Variants in ZNF385D observed in about 807,000 individuals in gnomAD.
ZNF385D encodes zinc finger protein 659.
A neutral mutation model predicts 35.8 loss-of-function variants in ZNF385D; 15 were observed. The ratio of observed to expected loss-of-function variants is 0.42; its 90% CI spans 0.28 to 0.64. The LOEUF (loss-of-function observed/expected upper bound fraction) is 0.64, where lower values mean the gene tolerates loss of function less well. ZNF385D is among the 30% of genes least tolerant of loss of function. The pLI is 0.23. For missense variants in ZNF385D, 474 were observed against 494.6 expected, an observed-to-expected ratio of 0.96 and a Z score of 0.39; for synonymous variants, 212 against 186.8, an observed-to-expected ratio of 1.13 and a Z score of -1.10.
chr3:21,978,348 G>A (rs1386834469), intron 3 of ZNF385D: 21 of 152,170 alleles, frequency 1.4e-4, no homozygotes. Context: ...CTAAACCTAG[G>A]ATTTAAATTA....
chr3:21,617,023 C>T (rs914207853), intron 2 of ZNF385D, among the ~76,000 whole-genome samples: 1 of 152,178 alleles, frequency 6.6e-6, no homozygotes, highest in African/African-American at 2.4e-5. Context: ...GATTTTGCCA[C>T]TATCACATAT....
intron 3 of ZNF385D, among the ~76,000 whole-genome samples, chr3:22,125,282 T>C (rs917642211): frequency 6.6e-6 from 1 of 152,142 alleles, no homozygotes. Context: ...ATGCATCTGT[T>C]TTTAAGTCAG....
intron 2 of ZNF385D, among the ~76,000 whole-genome samples, chr3:22,238,825 T>G (rs1420299070): frequency 2.0e-5 from 3 of 150,908 alleles, no homozygotes; most frequent in Non-Finnish European, 4.4e-5. Flanking sequence ...CTTGAACTCC[T>G]AGGTGCAAAT....
chr3:22,335,124 T>C (rs1695106524), intron 2 of ZNF385D, among the ~76,000 whole-genome samples: 2 of 152,160 alleles, frequency 1.3e-5, no homozygotes, highest in Admixed American at 6.5e-5. Flanking sequence ...ATGATCATAA[T>C]ATATGAGAAG....
intron 2 of ZNF385D, among the ~76,000 whole-genome samples, chr3:22,181,392 T>C (rs1403432219): frequency 1.3e-5 from 2 of 152,064 alleles, no homozygotes; most frequent in Non-Finnish European, 2.9e-5. Context: ...AACTAGCTTC[T>C]ACCAATAGAA....
chr3:21,888,467 C>T (rs530638196), intron 3 of ZNF385D, among the ~76,000 whole-genome samples: 9 of 152,118 alleles, frequency 5.9e-5, no homozygotes, highest in African/African-American at 1.4e-4. Flanking sequence ...AGGGATTTCT[C>T]GTGGTTCCTA....
chr3:21,804,801 T>A (rs1463768113), intron 3 of ZNF385D, among the ~76,000 whole-genome samples: 1 of 152,214 alleles, frequency 6.6e-6, no homozygotes, highest in Non-Finnish European at 1.5e-5. Flanking sequence ...TCACAAATAA[T>A]GAAGGTTAGT....
At chr3:21,601,765 T>C (rs1242646785) in intron 2 of ZNF385D, among the ~76,000 whole-genome samples, 1 of 152,156 alleles carries the variant, frequency 6.6e-6, no homozygotes, top group Non-Finnish European at 1.5e-5. Context: ...TTTGAGATGA[T>C]TTTAGCAGTC....
intron 3 of ZNF385D, among the ~76,000 whole-genome samples, chr3:21,805,896 C>T (rs1366669018): frequency 6.6e-6 from 1 of 152,194 alleles, no homozygotes; most frequent in East Asian, 1.9e-4. Flanking sequence ...GCCAAAATGA[C>T]TGCTTCATGT....
At chr3:21,649,799 A>G (rs760346400) in intron 2 of ZNF385D, among the ~76,000 whole-genome samples, 39 of 152,208 alleles carry the variant, frequency 2.6e-4, no homozygotes, top group African/African-American at 2.4e-5. Flanking sequence ...AAGAGAATCA[A>G]TCTGCCAAAT....
intron 2 of ZNF385D, among the ~76,000 whole-genome samples, chr3:22,321,910 A>G (rs1422979161): frequency 6.6e-6 from 1 of 152,006 alleles, no homozygotes; most frequent in East Asian, 1.9e-4. Flanking sequence ...TTAATTTTTA[A>G]GATAATTATT....
intron 4 of ZNF385D, among the ~76,000 whole-genome samples, chr3:21,506,321 A>C (rs1426888386): frequency 6.6e-6 from 1 of 152,184 alleles, no homozygotes; most frequent in Non-Finnish European, 1.5e-5. Context: ...GATGAAAGAA[A>C]AACCACAGCT....
intron 4 of ZNF385D, among the ~76,000 whole-genome samples, chr3:21,482,648 AT>A (rs996305930): frequency 6.6e-6 from 1 of 152,000 alleles, no homozygotes; most frequent in South Asian, 2.1e-4. Context: ...TATCTGTGAA[AT>A]TTTTTTTAGA....
At chr3:21,616,874 G>A (rs568197450) in intron 2 of ZNF385D, among the ~76,000 whole-genome samples, 1 of 152,134 alleles carries the variant, frequency 6.6e-6, no homozygotes, top group Non-Finnish European at 1.5e-5. Flanking sequence ...TGTGTGTATT[G>A]TCATCACTTA....
At chr3:22,044,439 G>C (rs925262154) in intron 3 of ZNF385D, among the ~76,000 whole-genome samples, 1 of 151,864 alleles carries the variant, frequency 6.6e-6, no homozygotes, top group Admixed American at 6.6e-5. Flanking sequence ...CTAGAGCAAG[G>C]CAAACAAAAA....
At chr3:21,918,416 G>A (rs1017245811) in intron 3 of ZNF385D, among the ~76,000 whole-genome samples, 5 of 151,468 alleles carry the variant, frequency 3.3e-5, no homozygotes, top group Non-Finnish European at 5.9e-5. Flanking sequence ...AATAGAGCAA[G>A]TAAAAGTAGG....
intron 2 of ZNF385D, among the ~76,000 whole-genome samples, chr3:21,596,391 T>G (rs920378363): frequency 6.6e-6 from 1 of 152,082 alleles, no homozygotes; most frequent in African/African-American, 2.4e-5. Flanking sequence ...AGATTCCGAG[T>G]CTCATTTTCA....
At chr3:21,580,016 G>A (rs1301867738) in intron 2 of ZNF385D, 1 of 151,730 alleles carries the variant, frequency 6.6e-6, no homozygotes, top group African/African-American at 2.4e-5. Context: ...TTCTTGGAAG[G>A]GCACAATTCA....
At chr3:21,891,080 A>G (rs1198832857) in intron 3 of ZNF385D, among the ~76,000 whole-genome samples, 1 of 152,208 alleles carries the variant, frequency 6.6e-6, no homozygotes, top group African/African-American at 2.4e-5. Flanking sequence ...CTAGGAAGTT[A>G]TAATTTCATC....
Sources: allele counts gnomAD v4.1 joint callset (sites outside exome capture counted in the v4.1 genomes callset), GRCh38; gene constraint gnomAD v4.1.1; transcripts MANE v1.5; gene names NCBI Gene and HGNC (gene_info 2026-07-23, HGNC 2026-07-21).